The following POU2F1 variants were observed in gnomAD, a reference collection of about 807,000 sequenced individuals.
POU2F1 encodes the protein POU class 2 homeobox 1, also known as POU domain, class 2, transcription factor 1.
A neutral mutation model predicts 84.9 loss-of-function variants in POU2F1; 16 were observed. That is an observed-to-expected ratio of 0.19 (90% CI 0.13 to 0.29). The LOEUF is 0.29. POU2F1 is among the 10% of genes least tolerant of loss of function. The pLI is 1.00. For synonymous variants in POU2F1, 368 were observed against 368.3 expected, an observed-to-expected ratio of 1.00 and a Z score of 0.01; for missense variants, 738 against 942.6, an observed-to-expected ratio of 0.78 and a Z score of 2.84.
At chr1:167,353,989 A>T (rs1217472473) in intron 2 of POU2F1, among the ~76,000 whole-genome samples, 1 of 152,156 alleles carries the variant, frequency 6.6e-6, no homozygotes, top group Non-Finnish European at 1.5e-5. Context: ...CATTACTTAG[A>T]TTTGCCTGTT....
chr1:167,363,053 C>A (rs188349420), intron 2 of POU2F1, among the ~76,000 whole-genome samples: 2 of 152,216 alleles, frequency 1.3e-5, no homozygotes, highest in African/African-American at 4.8e-5. Context: ...CTCCTCCTCC[C>A]CCCCAAGGCA....
At chr1:167,303,569 T>C (rs1368351382) in intron 1 of POU2F1, 2 of 154,006 alleles carry the variant, frequency 1.3e-5, no homozygotes, top group Non-Finnish European at 2.9e-5. Context: ...AGTCTTTCTA[T>C]ACCTGGTAAA....
chr1:167,314,384 A>G, intron 1 of POU2F1, among the ~76,000 whole-genome samples: 1 of 152,242 alleles, frequency 6.6e-6, no homozygotes, highest in Admixed American at 6.5e-5. Context: ...AATAGTGACA[A>G]TACCAAATGC....
intron 3 of POU2F1, 133 bp downstream of exon 3, chr1:167,365,700 C>A: frequency 1.6e-6 from 1 of 608,888 alleles, no homozygotes; most frequent in Non-Finnish European, 2.7e-6. Flanking sequence ...GTAATTGTGT[C>A]ATTCTATTTG....
chr1:167,223,916 G>A (rs1016700035), intron 1 of POU2F1, among the ~76,000 whole-genome samples: 2 of 152,222 alleles, frequency 1.3e-5, no homozygotes, highest in African/African-American at 2.4e-5. Context: ...ACAAGGTGCA[G>A]TTAATTTGAT....
rs573303005 is a variant in POU2F1, at chr1:167,323,762, G to A, written c.62-8708G>A. On this transcript the variant is annotated intron_variant, in intron 1 of 15. Transcript: ENST00000367866. The stretch of plus-strand genomic sequence containing the variant: ...GGCAGGAGTGCAGTCACGCGATCTC[G>A]GCTCAATGCAACCTCCGCCTCCTGG... 4.6e-5 allele frequency among the ~76,000 whole-genome samples: 7 copies of A among 152,154 alleles called. No individual in the cohort carries two copies. The South Asian group carries it at 8.3e-4, about 18-fold the overall frequency.
intron 1 of POU2F1, among the ~76,000 whole-genome samples, chr1:167,259,176 T>G (rs1651368110): frequency 6.6e-6 from 1 of 152,230 alleles, no homozygotes; most frequent in Non-Finnish European, 1.5e-5. Context: ...TGGCCTTATC[T>G]TGTTCACCTG....
intron 1 of POU2F1, among the ~76,000 whole-genome samples, chr1:167,328,550 A>G (rs1172947907): frequency 6.6e-6 from 1 of 152,182 alleles, no homozygotes; most frequent in Non-Finnish European, 1.5e-5. Flanking sequence ...CAGGAATAAG[A>G]TTAAAGGTGC....
intron 12 of POU2F1, among the ~76,000 whole-genome samples, chr1:167,400,392 A>G (rs1440300149): frequency 1.3e-5 from 2 of 152,192 alleles, no homozygotes; most frequent in Non-Finnish European, 2.9e-5. Context: ...CTCTGTAACC[A>G]TGGGAGTAAA....
rs544877228 is a variant in POU2F1 at position 167,284,156 on chromosome 1, T to A, written c.62-48314T>A. On this transcript the variant is annotated intron_variant, in intron 1 of 15. Transcript: ENST00000367866. ...TTCCTTAATGATTCAACTTTCTGTC[T>A]GCTCTAAACAGTATATGTGTTAAAG... Among the ~76,000 whole-genome samples the A allele has an allele frequency of 3.3e-5, 5 of 152,356 alleles. No individual in the cohort carries two copies. In the South Asian group the frequency reaches 1.0e-3, roughly 32 times the overall value.
At chr1:167,261,652 G>A (rs1651576413) in intron 1 of POU2F1, among the ~76,000 whole-genome samples, 1 of 152,106 alleles carries the variant, frequency 6.6e-6, no homozygotes, top group Non-Finnish European at 1.5e-5. Flanking sequence ...CCAGCTCTTT[G>A]GAAATTCATA....
At chr1:167,317,609 A>C (rs1360987562) in intron 1 of POU2F1, among the ~76,000 whole-genome samples, 1 of 152,256 alleles carries the variant, frequency 6.6e-6, no homozygotes, top group East Asian at 1.9e-4. Context: ...AGTTATCTGC[A>C]GCAGGAACAT....
chr1:167,258,476 T>A (rs150861882), intron 1 of POU2F1, among the ~76,000 whole-genome samples: 1 of 152,364 alleles, frequency 6.6e-6, no homozygotes, highest in East Asian at 1.9e-4. Flanking sequence ...TGTTTTGCTT[T>A]CTTCTTTACT....
At chr1:167,259,008 A>G (rs1027369089) in intron 1 of POU2F1, among the ~76,000 whole-genome samples, 1 of 152,230 alleles carries the variant, frequency 6.6e-6, no homozygotes, top group Non-Finnish European at 1.5e-5. Flanking sequence ...TTTATTGCTC[A>G]TGTGACTGTT....
At chr1:167,342,048 T>C (rs1171774905) in intron 2 of POU2F1, among the ~76,000 whole-genome samples, 1 of 152,204 alleles carries the variant, frequency 6.6e-6, no homozygotes, top group Non-Finnish European at 1.5e-5. Context: ...TCATGTCTTC[T>C]GGAGCCTGGG....
chr1:167,338,315 C>T (rs902585522), intron 2 of POU2F1: 3 of 450,276 alleles, frequency 6.7e-6, no homozygotes, highest in African/African-American at 4.0e-5. Context: ...TGTAAGAATA[C>T]AGTATATAAT....
intron 1 of POU2F1, among the ~76,000 whole-genome samples, chr1:167,248,217 T>A (rs1044906822): frequency 1.3e-5 from 2 of 152,236 alleles, no homozygotes; most frequent in African/African-American, 4.8e-5. Context: ...TTTAACTGCA[T>A]CACATTTATT....
chr1:167,320,000 A>G (rs971476834), intron 1 of POU2F1, among the ~76,000 whole-genome samples: 1 of 152,248 alleles, frequency 6.6e-6, no homozygotes, highest in African/African-American at 2.4e-5. Context: ...TGCAGTAGCA[A>G]CTAGGCAATC....
chr1:167,371,474 C>G (rs773288439), intron 4 of POU2F1, among the ~76,000 whole-genome samples: 15 of 152,204 alleles, frequency 9.9e-5, no homozygotes, highest in Middle Eastern at 3.4e-3. Context: ...ATTTACCGTT[C>G]TGTAAAATAT....
Sources: allele counts gnomAD v4.1 joint callset (sites outside exome capture counted in the v4.1 genomes callset), GRCh38; gene constraint gnomAD v4.1.1; transcripts MANE v1.5; gene names NCBI Gene and HGNC (gene_info 2026-07-23, HGNC 2026-07-21).